The following RELN variants were observed in gnomAD, a reference collection of about 807,000 sequenced individuals.
RELN encodes the protein reelin.
A neutral mutation model predicts 427.6 loss-of-function variants in RELN; 108 were observed. That is an observed-to-expected ratio of 0.25 (90% CI 0.22 to 0.30). The LOEUF is 0.30. Among genes scored for constraint, RELN ranks in the 10% least tolerant of loss-of-function variants. The pLI, the probability that RELN is intolerant of heterozygous loss-of-function variation, is 1.00. For synonymous variants in RELN, 1,524 were observed against 1,513.4 expected (o/e 1.01, Z -0.16); for missense variants, 3,715 against 4,302.8 (o/e 0.86, Z 3.82).
intron 50 of RELN, chr7:103,513,582 T>C (rs1016043263): frequency 1.3e-5 from 2 of 152,180 alleles, no homozygotes; most frequent in African/African-American, 4.8e-5. Flanking sequence ...GCTTTTTCTA[T>C]TTACAAGTTT....
intron 2 of RELN, among the ~76,000 whole-genome samples, chr7:103,844,620 C>A (rs532888281): frequency 3.1e-3 from 474 of 152,242 alleles, no homozygotes; most frequent in African/African-American, 0.011. Context: ...ACATGGGATT[C>A]AGCCCTGTCA....
At chr7:103,894,096 C>T (rs1794908489) in intron 2 of RELN, among the ~76,000 whole-genome samples, 1 of 152,068 alleles carries the variant, frequency 6.6e-6, no homozygotes, top group Non-Finnish European at 1.5e-5. Context: ...GTTACTGCTA[C>T]AAAGTCTTCC....
chr7:103,589,865 G>C (rs1831370048), intron 27 of RELN, 37 bp from the exon 28 acceptor site: 1 of 1,380,992 alleles, frequency 7.2e-7, no homozygotes, highest in African/African-American at 1.4e-5. Context: ...ACAAGATTTT[G>C]GTTCTAAGTC....
At chr7:103,496,815 GCCT>G in intron 55 of RELN, 47 bp from the exon 56 acceptor site, 2 of 1,604,090 alleles carry the variant, frequency 1.2e-6, no homozygotes, top group South Asian at 2.2e-5. Context: ...AGAATCTCCT[GCCT>G]CCTCATAAAC....
At chr7:103,581,200 C>G (rs1410727877) in intron 28 of RELN, among the ~76,000 whole-genome samples, 1 of 152,120 alleles carries the variant, frequency 6.6e-6, no homozygotes, top group Non-Finnish European at 1.5e-5. Context: ...ATGTTCTTGT[C>G]CTGGACATCG....
At chr7:103,486,924 A>T (rs566662064) in intron 60 of RELN, among the ~76,000 whole-genome samples, 64 of 152,374 alleles carry the variant, frequency 4.2e-4, no homozygotes, top group Non-Finnish European at 7.3e-4. Flanking sequence ...CCAAAGGATT[A>T]TAAATCATTC....
intron 2 of RELN, among the ~76,000 whole-genome samples, chr7:103,864,711 G>A (rs1195028444): frequency 6.6e-6 from 1 of 151,894 alleles, no homozygotes; most frequent in Non-Finnish European, 1.5e-5. Flanking sequence ...TAGAAAATAA[G>A]GATTGGAGCA....
intron 8 of RELN, among the ~76,000 whole-genome samples, chr7:103,712,952 C>T (rs1789843168): frequency 6.6e-6 from 1 of 152,084 alleles, no homozygotes; most frequent in Non-Finnish European, 1.5e-5. Context: ...CAGTAGAATG[C>T]AATAGAAGAA....
At chr7:103,961,958 A>C (rs1419892081) in intron 1 of RELN, among the ~76,000 whole-genome samples, 1 of 152,192 alleles carries the variant, frequency 6.6e-6, no homozygotes, top group Non-Finnish European at 1.5e-5. Flanking sequence ...AATAAAAATA[A>C]GCTCTTGTTT....
rs1364193123 is a variant in RELN at position 103,989,263 on chromosome 7, G to T, written c.94C>A (p.Arg32Ser). Residue 32 changes from arginine (R) to serine (S), a missense_variant, in exon 1 of 65, where the codon CGC becomes AGC. By Grantham distance (110) the Arg-to-Ser change is moderately radical. Transcript: ENST00000428762. This position sits in a 1 kb window ranked among gnomAD's most constrained non-coding sequence, Gnocchi z 4.9. Reference protein sequence around the residue: ...RARAAAGYYPRFSPFFFLCTH... With the variant: ...RARAAAGYYPSFSPFFFLCTH... ...CACAGGAAAAAGAAGGGCGAAAAGC[G>T]GGGGTAATAGCCAGCCGCCGCGCGC... The T allele has an allele frequency of 1.2e-6, 2 of 1,613,810 alleles. No homozygotes were observed. Among genetic ancestry groups the T allele is most frequent in the Non-Finnish European group, 1.7e-6 (2 of 1,179,962 alleles).
chr7:103,905,709 ACTTCACAGGAGTGAAGATG>A (rs1795189491), intron 2 of RELN, among the ~76,000 whole-genome samples: 1 of 151,580 alleles, frequency 6.6e-6, no homozygotes, highest in South Asian at 2.1e-4. Context: ...AGTGAAGATG[ACTTCACAGGAGTGAAGATG>A]ACTAGGTTAT....
chr7:103,563,399 T>G lies in RELN; in HGVS notation c.5211-1446A>C, dbSNP rs1267224951. On this transcript the variant is annotated intron_variant, in intron 34 of 64. Coordinates refer to ENST00000428762, the MANE Select transcript of RELN (RefSeq NM_005045.4). This position sits in a 1 kb window ranked among gnomAD's most constrained non-coding sequence, Gnocchi z 4.1. Reference sequence around the variant, plus strand: ...GTCTAAGTTTTTAAGAAAGAAGTTTTCAAAGTTAAAGTTCTCAAAATATTA... The same window carrying G: ...GTCTAAGTTTTTAAGAAAGAAGTTTGCAAAGTTAAAGTTCTCAAAATATTA... Among the ~76,000 whole-genome samples the G allele has an allele frequency of 2.0e-5, 3 of 152,320 alleles. No homozygotes were observed. The South Asian group carries it at 6.2e-4, about 32-fold the overall frequency.
intron 11 of RELN, among the ~76,000 whole-genome samples, chr7:103,670,827 T>G (rs966698542): frequency 6.6e-6 from 1 of 152,058 alleles, no homozygotes; most frequent in Non-Finnish European, 1.5e-5. Flanking sequence ...CTACTAATAT[T>G]AGCATAAAAG....
rs139155915 is a variant in RELN, at chr7:103,611,930, A to G, written c.2703-127T>C. On this transcript the variant is annotated intron_variant, in intron 20 of 64. Transcript: ENST00000428762. ...ACTTGTTTAAACCTTGCCAAATTCT[A>G]GAATGGATTTCGGTCAATCTAATAA... 2.4e-4 allele frequency: 183 copies of G among 766,024 alleles called. No homozygotes were observed. The African/African-American group carries it at 2.9e-3, about 12-fold the overall frequency. 47.5% of individuals were successfully genotyped at this position (766,024 alleles called of 1,614,324 possible).
intron 63 of RELN, among the ~76,000 whole-genome samples, chr7:103,480,901 T>C (rs536285755): frequency 2.6e-4 from 40 of 152,350 alleles, no homozygotes; most frequent in African/African-American, 9.4e-4. Context: ...AACAGACTTA[T>C]CAGGATAAGA....
chr7:103,753,484 T>G (rs1791057477), intron 4 of RELN, among the ~76,000 whole-genome samples: 1 of 152,180 alleles, frequency 6.6e-6, no homozygotes, highest in South Asian at 2.1e-4. Context: ...AATTAAAGAT[T>G]TTCTTGAAAC....
At chr7:103,777,885 A>ACACACACACACACACG (rs1489273944) in intron 3 of RELN, among the ~76,000 whole-genome samples, 33 of 148,500 alleles carry the variant, frequency 2.2e-4, no homozygotes, top group African/African-American at 8.2e-4. Flanking sequence ...TTATACCTTC[A>ACACACACACACACACG]CACACACACA....
chr7:103,714,755 G>C (rs1789895768), intron 8 of RELN, among the ~76,000 whole-genome samples: 1 of 152,164 alleles, frequency 6.6e-6, no homozygotes, highest in Non-Finnish European at 1.5e-5. Flanking sequence ...TGGCAGCCCA[G>C]GAGGGAAGTG....
chr7:103,838,026 C>G (rs371506026), intron 2 of RELN, among the ~76,000 whole-genome samples: 1 of 151,430 alleles, frequency 6.6e-6, no homozygotes. Flanking sequence ...GGTAACACGG[C>G]GAAACACCGT....
Sources: allele counts gnomAD v4.1 joint callset (sites outside exome capture counted in the v4.1 genomes callset), GRCh38; gene constraint gnomAD v4.1.1; non-coding constraint Gnocchi (gnomAD v3.1); transcripts MANE v1.5; gene names NCBI Gene and HGNC (gene_info 2026-07-23, HGNC 2026-07-21).